C4orf50: variants seen among roughly 807,000 people sequenced by gnomAD.
C4orf50 encodes chromosome 4 open reading frame 50.
A neutral mutation model predicts 77.2 loss-of-function variants in C4orf50; 80 were observed. The observed-to-expected ratio is 1.04, with a 90% CI of 0.87 to 1.25. The LOEUF is 1.25. Among genes scored for constraint, C4orf50 ranks in the 50% most tolerant of loss-of-function variants. The pLI, the probability that C4orf50 is intolerant of heterozygous loss-of-function variation, is 0.00. For synonymous variants in C4orf50, 532 were observed against 465.3 expected (o/e 1.14, Z -1.84); for missense variants, 1,257 against 1,152.9 (o/e 1.09, Z -1.31).
intron 29 of C4orf50, among the ~76,000 whole-genome samples, chr4:5,977,058 G>GA (rs1290577116): frequency 6.6e-6 from 1 of 152,146 alleles, no homozygotes; most frequent in Admixed American, 6.5e-5. Context: ...AGACATGACA[G>GA]AAAAAAGGGA....
Position 5,992,341 on chromosome 4 carries a change from C to T in C4orf50, c.1221+462G>A, listed in dbSNP as rs897416809. On this transcript the variant is annotated intron_variant, in intron 27 of 33. Transcript: ENST00000531445. The surrounding 1 kb of genome is among the most constrained non-coding windows in gnomAD (Gnocchi z 5.0). ...AAGTGGAGAAAGGTTACGACTGCCTCAGCCTCAGAGCGAGCCATGGGAGGT... is the reference window on the plus strand; with the variant it reads ...AAGTGGAGAAAGGTTACGACTGCCTTAGCCTCAGAGCGAGCCATGGGAGGT... Among the ~76,000 whole-genome samples the T allele has an allele frequency of 2.0e-5, 3 of 152,132 alleles. No individual in the cohort carries two copies. Among genetic ancestry groups the T allele is most frequent in the Non-Finnish European group, 4.4e-5 (3 of 68,026 alleles).
intron 7 of C4orf50, among the ~76,000 whole-genome samples, chr4:5,918,653 C>T (rs1312681057): frequency 1.3e-5 from 2 of 152,204 alleles, no homozygotes; most frequent in Admixed American, 1.3e-4. Context: ...TTAAGTGGGG[C>T]TTGTAAATTG....
chr4:5,900,006 A>G lies in C4orf50; in HGVS notation c.*2475-1818T>C, dbSNP rs537736892. Reference sequence around the variant, plus strand: ...CCCAGCCCAGAGCCCTTCCGACCACATGACACTGTCTCAACAGAGAAAAAC... The same window carrying G: ...CCCAGCCCAGAGCCCTTCCGACCACGTGACACTGTCTCAACAGAGAAAAAC... On this transcript the variant is annotated intron_variant, in intron 7 of 7. Transcript: ENST00000324058. The surrounding 1 kb of genome is among the most constrained non-coding windows in gnomAD (Gnocchi z 4.3). 2.0e-5 allele frequency: 3 copies of G among 152,322 alleles called. No individual in the cohort carries two copies. Among genetic ancestry groups the G allele is most frequent in the Admixed American group, 2.0e-4 (3 of 15,300 alleles). The allele number at this position is 152,322 out of a possible 1,614,324, so 9.4% of individuals were successfully genotyped here.
rs1722390826 is a variant in C4orf50, at chr4:6,009,378, G to A, written c.427-846C>T. 6.6e-6 allele frequency among the ~76,000 whole-genome samples: 1 copy of A among 152,160 alleles called. No individual in the cohort carries two copies. The highest frequency in any genetic ancestry group is 6.5e-5 in the Admixed American group (1 of 15,274). On this transcript the variant is annotated intron_variant, in intron 24 of 33. Transcript: ENST00000531445. This position sits in a 1 kb window ranked among gnomAD's most constrained non-coding sequence, Gnocchi z 5.6. ...CCTGCCGCTGCTCTTCTGCCGGGGA[G>A]CTTCCGGAAAACAAAAACAAACAAA...
At chr4:5,903,975 A>C (rs546867788) in intron 7 of C4orf50, 1 of 152,162 alleles carries the variant, frequency 6.6e-6, no homozygotes, top group South Asian at 2.1e-4. Context: ...TAAGGTCTGT[A>C]ATGTGATATG....
At chr4:5,997,859 T>G (rs569608748) in intron 25 of C4orf50, among the ~76,000 whole-genome samples, 1 of 152,350 alleles carries the variant, frequency 6.6e-6, no homozygotes, top group Non-Finnish European at 1.5e-5. Context: ...TCTTCTGCAG[T>G]GTGGTTTTTA....
chr4:5,956,628 G>A (rs1718971367), downstream of C4orf50: 1 of 138,738 alleles, frequency 7.2e-6, no homozygotes, highest in Non-Finnish European at 1.6e-5. Flanking sequence ...CTCAGGCCAA[G>A]CCAACCCTCT....
At chr4:5,943,501 A>G (rs1424225315) in intron 7 of C4orf50, among the ~76,000 whole-genome samples, 1 of 152,120 alleles carries the variant, frequency 6.6e-6, no homozygotes, top group Non-Finnish European at 1.5e-5. Flanking sequence ...TCTCCCCTTC[A>G]CCCCAACTGT....
At position 6,000,548 on chromosome 4, in the gene C4orf50, T is replaced by C. The variant is rs1560595685; in HGVS notation, c.964-6072A>G. On this transcript the variant is annotated intron_variant, in intron 25 of 33. Coordinates refer to ENST00000531445, the Ensembl canonical transcript of C4orf50. This position sits in a 1 kb window ranked among gnomAD's most constrained non-coding sequence, Gnocchi z 6.0. Reference sequence around the variant, plus strand: ...GCCTTGTCACATGCTGCAGCCTGGGTCCAGCCCCCACTGCAACACCAGGGT... The same window carrying C: ...GCCTTGTCACATGCTGCAGCCTGGGCCCAGCCCCCACTGCAACACCAGGGT... Among the ~76,000 whole-genome samples, 1 of 152,064 alleles carries C rather than the reference T, an allele frequency of 6.6e-6. No homozygotes were observed.
intron 7 of C4orf50, among the ~76,000 whole-genome samples, chr4:5,917,387 G>C (rs1263249217): frequency 1.3e-5 from 2 of 149,144 alleles, no homozygotes; most frequent in African/African-American, 4.9e-5. Context: ...GAAAGTCGTA[G>C]GTTTCAATTC....
Position 6,009,263 on chromosome 4 carries a change from C to A in C4orf50, c.427-731G>T, listed in dbSNP as rs1430738463. On this transcript the variant is annotated intron_variant, in intron 24 of 33. Transcript: ENST00000531445. This position sits in a 1 kb window ranked among gnomAD's most constrained non-coding sequence, Gnocchi z 5.6. ...GAGCTGGACTGGGGTGCACAACCCA[C>A]TGCGAAAATTAGAGCCGTTGCCTAC... Among the ~76,000 whole-genome samples, 1 of 152,232 alleles carries A rather than the reference C, an allele frequency of 6.6e-6. No homozygotes were observed. Among genetic ancestry groups the A allele is most frequent in the Non-Finnish European group, 1.5e-5 (1 of 68,042 alleles).
exon 28 of C4orf50, chr4:5,989,715 T>C: frequency 6.5e-7 from 1 of 1,535,772 alleles, no homozygotes; most frequent in Non-Finnish European, 8.7e-7. Flanking sequence ...CCCCTTCAAC[T>C]GATAAGGCAA....
chr4:5,980,229 G>A (rs1468492411), exon 29 of C4orf50: 5 of 1,611,282 alleles, frequency 3.1e-6, no homozygotes, highest in Middle Eastern at 1.7e-4. Flanking sequence ...CGCCTGGTGG[G>A]CAGCGCCCTG....
intron 7 of C4orf50, among the ~76,000 whole-genome samples, chr4:5,911,277 C>T (rs1176876742): frequency 2.6e-5 from 4 of 152,280 alleles, no homozygotes; most frequent in Admixed American, 6.5e-5. Flanking sequence ...ACCCCCACAT[C>T]GAGTATCTGT....
chr4:5,935,723 C>T (rs28503945), intron 7 of C4orf50, among the ~76,000 whole-genome samples: 35,908 of 143,280 alleles, frequency 0.25, 5,881 homozygotes, highest in African/African-American at 0.48. Flanking sequence ...GAGGTGGAGG[C>T]TGCAGTGAGC....
intron 33 of C4orf50, among the ~76,000 whole-genome samples, chr4:5,961,999 A>G (rs1372892245): frequency 6.6e-6 from 1 of 152,166 alleles, no homozygotes; most frequent in African/African-American, 2.4e-5. Context: ...GCCCAGATAC[A>G]TGGCTTGCTG....
intron 25 of C4orf50, among the ~76,000 whole-genome samples, chr4:6,001,877 C>A (rs1445586969): frequency 6.6e-6 from 1 of 152,232 alleles, no homozygotes; most frequent in Middle Eastern, 3.2e-3. Flanking sequence ...ACACCCAGCC[C>A]CAGCCCTGCC....
chr4:5,918,598 A>T (rs76891492), intron 7 of C4orf50, among the ~76,000 whole-genome samples: 7,910 of 152,262 alleles, frequency 0.052, 342 homozygotes, highest in African/African-American at 0.11. Context: ...CACCTTGCGA[A>T]TTTCAGAAGG....
At chr4:6,013,675 C>T (rs1218171762) in intron 23 of C4orf50, among the ~76,000 whole-genome samples, 1 of 152,108 alleles carries the variant, frequency 6.6e-6, no homozygotes, top group Admixed American at 6.6e-5. Flanking sequence ...AACTTAGGGA[C>T]GGCCCTGTGG....
Sources: gnomAD v4.1 joint callset for allele counts (sites outside exome capture counted in the v4.1 genomes callset) on GRCh38, gnomAD v4.1.1 for gene constraint, Gnocchi (gnomAD v3.1) non-coding constraint, MANE v1.5 for transcripts, NCBI Gene and HGNC (gene_info 2026-07-23, HGNC 2026-07-21) for gene names.